Variants in MMP26 observed in about 807,000 individuals in gnomAD.
The protein encoded by MMP26 is matrix metallopeptidase 26.
In MMP26, 33 loss-of-function variants were observed where a neutral mutation model predicts 31.0. The observed-to-expected ratio is 1.06, with a 90% CI of 0.81 to 1.42. The LOEUF (loss-of-function observed/expected upper bound fraction) is 1.42. MMP26 is among the 40% of genes most tolerant of loss of function. The pLI, the probability that MMP26 is intolerant of heterozygous loss-of-function variation, is 0.00. For missense variants in MMP26, 347 were observed against 316.1 expected (o/e 1.10, Z -0.74); for synonymous variants, 122 against 114.9 (o/e 1.06, Z -0.40).
intron 2 of MMP26, among the ~76,000 whole-genome samples, chr11:4,967,306 G>A (rs1199758509): frequency 6.6e-6 from 1 of 152,114 alleles, no homozygotes; most frequent in African/African-American, 2.4e-5. Context: ...AAAAAGTCTG[G>A]TCTCATTAGA....
In MMP26 at chr11:4,976,869, GA is replaced by G; in HGVS notation, c.-144-11198del. On this transcript the variant is annotated intron_variant, in intron 2 of 7. Coordinates refer to ENST00000380390, the MANE Select transcript of MMP26 (RefSeq NM_021801.5). The stretch of plus-strand genomic sequence containing the variant: ...TCGCCTGCAGTTATAGGTTCTTCTG[GA>G]GAAGTGTTCACAATTTATTTTCCTA... Among the ~76,000 whole-genome samples the G allele has an allele frequency of 2.0e-5, 3 of 152,066 alleles. No individual in the cohort carries two copies. In the South Asian group the frequency reaches 6.2e-4, roughly 32 times the overall value.
intron 2 of MMP26, among the ~76,000 whole-genome samples, chr11:4,942,039 C>T (rs1487695198): frequency 2.9e-5 from 4 of 138,008 alleles, no homozygotes; most frequent in African/African-American, 8.2e-5. Context: ...GAGTCAAGAT[C>T]GTGCCACTGT....
chr11:4,727,819 A>C (rs943943581), intron 1 of MMP26, among the ~76,000 whole-genome samples: 8 of 152,208 alleles, frequency 5.3e-5, no homozygotes, highest in African/African-American at 1.9e-4. Flanking sequence ...AAAACAAAAA[A>C]CAAAAAACAA....
At chr11:4,878,962 G>A (rs990264469) in intron 2 of MMP26, among the ~76,000 whole-genome samples, 3 of 152,122 alleles carry the variant, frequency 2.0e-5, no homozygotes, top group South Asian at 4.1e-4. Context: ...AGGGCCGGGC[G>A]CGGTGGCTTA....
At chr11:4,813,342 T>G (rs968851363) in intron 2 of MMP26, among the ~76,000 whole-genome samples, 2 of 152,144 alleles carry the variant, frequency 1.3e-5, no homozygotes, top group African/African-American at 4.8e-5. Flanking sequence ...GAAATAGCTT[T>G]AAATGTATCA....
At chr11:4,849,387 AT>A in intron 2 of MMP26, 1 of 625,586 alleles carries the variant, frequency 1.6e-6, no homozygotes, top group Non-Finnish European at 2.8e-6. Flanking sequence ...ACCCATCCTA[AT>A]AGTATATGCA....
intron 2 of MMP26, among the ~76,000 whole-genome samples, chr11:4,970,561 T>TAA (rs1405320011): frequency 6.6e-5 from 10 of 152,128 alleles, no homozygotes; most frequent in Non-Finnish European, 1.3e-4. Context: ...TAAGCTGAGG[T>TAA]TTATTGTGGA....
chr11:4,943,512 C>T (rs183476330), intron 2 of MMP26: 31 of 456,062 alleles, frequency 6.8e-5, no homozygotes, highest in African/African-American at 5.6e-4. Flanking sequence ...GCACCACTGA[C>T]ATTTTGTGCT....
intron 2 of MMP26, among the ~76,000 whole-genome samples, chr11:4,781,983 G>C (rs1357769648): frequency 1.3e-5 from 2 of 152,196 alleles, no homozygotes; most frequent in Admixed American, 1.3e-4. Context: ...AAATGGAACT[G>C]TAAGTCCAAT....
chr11:4,766,472 G>C (rs965500591), intron 1 of MMP26, among the ~76,000 whole-genome samples: 6 of 148,112 alleles, frequency 4.1e-5, no homozygotes, highest in African/African-American at 1.6e-4. Context: ...TCACAGACCT[G>C]CTTGGGTTGA....
chr11:4,982,151 A>T (rs1846823441), intron 2 of MMP26, among the ~76,000 whole-genome samples: 1 of 151,950 alleles, frequency 6.6e-6, no homozygotes, highest in Admixed American at 6.6e-5. Context: ...TATTGAGTAC[A>T]CTCTGAATGA....
chr11:4,789,533 T>TA, intron 2 of MMP26, among the ~76,000 whole-genome samples: 2 of 92,820 alleles, frequency 2.2e-5, no homozygotes, highest in East Asian at 5.1e-4. Flanking sequence ...CCCCCCACTT[T>TA]TTTTTTTTTT....
intron 2 of MMP26, among the ~76,000 whole-genome samples, chr11:4,922,135 T>A (rs1201921445): frequency 3.3e-5 from 5 of 152,232 alleles, no homozygotes; most frequent in African/African-American, 1.2e-4. Flanking sequence ...TTTCACTTAA[T>A]GGCCAACAAG....
intron 2 of MMP26, among the ~76,000 whole-genome samples, chr11:4,791,562 A>C (rs948358320): frequency 6.6e-6 from 1 of 152,106 alleles, no homozygotes; most frequent in East Asian, 1.9e-4. Context: ...TTATATTGTT[A>C]ATACTATCAC....
chr11:4,892,550 C>T (rs1850640122), intron 2 of MMP26, among the ~76,000 whole-genome samples: 1 of 152,184 alleles, frequency 6.6e-6, no homozygotes, highest in Non-Finnish European at 1.5e-5. Flanking sequence ...TTTTCTTCAC[C>T]AAGCACAGTT....
intron 2 of MMP26, among the ~76,000 whole-genome samples, chr11:4,781,754 C>T (rs988614049): frequency 6.6e-6 from 1 of 152,060 alleles, no homozygotes; most frequent in Non-Finnish European, 1.5e-5. Flanking sequence ...ATAATTCCCA[C>T]CTGTTGTGGG....
At chr11:4,806,633 G>A (rs1273691818) in intron 2 of MMP26, among the ~76,000 whole-genome samples, 1 of 152,046 alleles carries the variant, frequency 6.6e-6, no homozygotes, top group Middle Eastern at 3.2e-3. Context: ...CGTGAGATGG[G>A]TCTCCTGAAT....
chr11:4,856,252 T>C (rs1180427744), intron 2 of MMP26, among the ~76,000 whole-genome samples: 15 of 152,162 alleles, frequency 9.9e-5, no homozygotes, highest in African/African-American at 2.9e-4. Context: ...GGGCTAAATG[T>C]TCCAATTAAA....
chr11:4,904,963 G>A (rs10742412), intron 2 of MMP26, among the ~76,000 whole-genome samples: 1 of 151,928 alleles, frequency 6.6e-6, no homozygotes, highest in Non-Finnish European at 1.5e-5. Context: ...GTAGGGTAGG[G>A]TTACATGAAA....
Sources: allele counts gnomAD v4.1 joint callset (sites outside exome capture counted in the v4.1 genomes callset), GRCh38; gene constraint gnomAD v4.1.1; transcripts MANE v1.5; gene names NCBI Gene and HGNC (gene_info 2026-07-23, HGNC 2026-07-21).